The following LGR6 variants were observed in gnomAD, a reference collection of about 807,000 sequenced individuals.
The protein encoded by LGR6 is leucine-rich repeat-containing G protein-coupled receptor 6.
In LGR6, 45 loss-of-function variants were observed where a neutral mutation model predicts 69.4. The observed-to-expected ratio is 0.65, with a 90% confidence interval of 0.51 to 0.83. LGR6 has a LOEUF of 0.83. LGR6 is among the 40% of genes least tolerant of loss of function. The probability of loss-of-function intolerance (pLI) is 0.00; values close to 1 mark genes in which losing one functional copy is unlikely to be tolerated. For synonymous variants in LGR6, 538 were observed against 555.0 expected, an observed-to-expected ratio of 0.97 and a Z score of 0.43; for missense variants, 1,108 against 1,246.7, an observed-to-expected ratio of 0.89 and a Z score of 1.68.
intron 1 of LGR6, 48 bp from the exon 2 acceptor site, chr1:202,225,375 G>A: frequency 6.4e-7 from 1 of 1,559,564 alleles, no homozygotes; most frequent in South Asian, 1.1e-5. Flanking sequence ...GTGCCAGATG[G>A]CCCAAGTGGG....
intron 6 of LGR6, among the ~76,000 whole-genome samples, chr1:202,296,440 G>A (rs1667167368): frequency 6.6e-6 from 1 of 152,202 alleles, no homozygotes; most frequent in South Asian, 2.1e-4. Context: ...GAAGTACCCT[G>A]TAGTTCTTAC....
At chr1:202,225,517 G>A (rs1425323167) in intron 2 of LGR6, 23 bp downstream of exon 2, 3 of 1,604,024 alleles carry the variant, frequency 1.9e-6, no homozygotes, top group African/African-American at 1.3e-5. Context: ...TTTGCAGGGT[G>A]GGAGGCAAGC....
In LGR6 at chr1:202,205,900, AAC is replaced by A. The variant is rs200390727; in HGVS notation, c.212+11712_212+11713del. Among the ~76,000 whole-genome samples the A allele has an allele frequency of 6.6e-4, 91 of 137,672 alleles. No individual in the cohort carries two copies. The South Asian group carries it at 0.02, about 31-fold the overall frequency. The allele number at this position is 137,672 out of a possible 152,430, so 90.3% of individuals were successfully genotyped here. On this transcript the variant is annotated intron_variant, in intron 1 of 17. Transcript: ENST00000367278. ...CCGTCCTTCAAACACACACACACCTAACACACACACACACCTCCTTCAAACAT... is the reference window on the plus strand; with the variant it reads ...CCGTCCTTCAAACACACACACACCTAACACACACACACCTCCTTCAAACAT...
chr1:202,276,568 C>G, intron 5 of LGR6, 47 bp downstream of exon 5: 6 of 1,451,032 alleles, frequency 4.1e-6, no homozygotes, highest in Non-Finnish European at 5.7e-6. Flanking sequence ...CTGCTGGGGG[C>G]TGGGGGCTGC....
intron 3 of LGR6, among the ~76,000 whole-genome samples, chr1:202,231,648 T>C (rs1661083157): frequency 6.6e-6 from 1 of 152,252 alleles, no homozygotes; most frequent in South Asian, 2.1e-4. Context: ...TTTTTAGCTA[T>C]GGAAACTTAA....
intron 4 of LGR6, among the ~76,000 whole-genome samples, chr1:202,248,314 C>T (rs1021101477): frequency 3.9e-5 from 6 of 152,190 alleles, no homozygotes; most frequent in Non-Finnish European, 8.8e-5. Flanking sequence ...TCAGTGGCAG[C>T]GCTGCAGCTA....
chr1:202,227,445 C>T (rs954558801), intron 2 of LGR6, among the ~76,000 whole-genome samples: 2 of 152,208 alleles, frequency 1.3e-5, no homozygotes, highest in Non-Finnish European at 2.9e-5. Context: ...ATTTCCTTAA[C>T]CCTCTTGGAT....
chr1:202,224,736 G>A (rs566708341), intron 1 of LGR6, among the ~76,000 whole-genome samples: 5 of 152,300 alleles, frequency 3.3e-5, no homozygotes, highest in South Asian at 4.1e-4. Context: ...GAGCTCAGGC[G>A]GGAGTGCTCA....
chr1:202,314,739 G>A, intron 16 of LGR6, 63 bp from the exon 17 acceptor site: 1 of 1,187,804 alleles, frequency 8.4e-7, no homozygotes, highest in Non-Finnish European at 1.3e-6. Flanking sequence ...GGCATTTGGA[G>A]AAAGGTAGGG....
intron 4 of LGR6, among the ~76,000 whole-genome samples, chr1:202,249,500 G>T (rs565991948): frequency 1.3e-5 from 2 of 152,280 alleles, no homozygotes; most frequent in African/African-American, 4.8e-5. Flanking sequence ...TCAAGTCTTA[G>T]CTTTAGCTTA....
chr1:202,313,608 T>C (rs914381972), intron 16 of LGR6, among the ~76,000 whole-genome samples: 1 of 152,196 alleles, frequency 6.6e-6, no homozygotes, highest in African/African-American at 2.4e-5. Flanking sequence ...AATGGGACCA[T>C]GAAGATGAGG....
chr1:202,237,189 C>T (rs539684557), intron 4 of LGR6, among the ~76,000 whole-genome samples: 34 of 152,244 alleles, frequency 2.2e-4, no homozygotes, highest in Admixed American at 2.1e-3. Flanking sequence ...TTCTGCCCCC[C>T]CTTCCCAATG....
At chr1:202,259,303 T>C (rs2148095358) in intron 4 of LGR6, among the ~76,000 whole-genome samples, 1 of 152,332 alleles carries the variant, frequency 6.6e-6, no homozygotes, top group Admixed American at 6.5e-5. Context: ...ATTCCAGTTT[T>C]TTCTATCCCT....
intron 10 of LGR6, 61 bp from the exon 11 acceptor site, chr1:202,304,498 G>C (rs1321660367): frequency 7.3e-6 from 9 of 1,232,660 alleles, no homozygotes; most frequent in Non-Finnish European, 5.9e-6. Context: ...GCTGGAGCGG[G>C]GTGGCTGGGA....
chr1:202,206,277 G>A (rs1470051760), intron 1 of LGR6, among the ~76,000 whole-genome samples: 2 of 152,248 alleles, frequency 1.3e-5, no homozygotes, highest in African/African-American at 2.4e-5. Context: ...AAAAGCAAGA[G>A]AGAATGAGCA....
chr1:202,232,017 G>A (rs112375109), intron 3 of LGR6, among the ~76,000 whole-genome samples: 2,220 of 151,910 alleles, frequency 0.015, 53 homozygotes, highest in African/African-American at 0.051. Flanking sequence ...ACTTGAGCCC[G>A]GGAGGTGGAG....
intron 8 of LGR6, 118 bp downstream of exon 8, chr1:202,301,038 G>C: frequency 7.8e-7 from 1 of 1,285,092 alleles, no homozygotes; most frequent in Non-Finnish European, 1.1e-6. Context: ...AGTATGGGAG[G>C]GGTTGCCTTT....
intron 4 of LGR6, among the ~76,000 whole-genome samples, chr1:202,247,784 T>C (rs1246306301): frequency 6.6e-6 from 1 of 152,154 alleles, no homozygotes; most frequent in African/African-American, 2.4e-5. Flanking sequence ...CTCACTCTGA[T>C]CCCATCATGA....
chr1:202,301,440 G>C (rs570001486), intron 9 of LGR6, among the ~76,000 whole-genome samples: 1 of 152,308 alleles, frequency 6.6e-6, no homozygotes, highest in Admixed American at 6.5e-5. Flanking sequence ...CCACCTCCCT[G>C]AACTGTGGCT....
Sources: gnomAD v4.1 joint callset for allele counts (sites outside exome capture counted in the v4.1 genomes callset) on GRCh38, gnomAD v4.1.1 for gene constraint, MANE v1.5 for transcripts, NCBI Gene and HGNC (gene_info 2026-07-23, HGNC 2026-07-21) for gene names.